The following SNX29 variants were observed in gnomAD, a reference collection of about 807,000 sequenced individuals.
SNX29 encodes sorting nexin 29.
Under a neutral mutation model 102.1 loss-of-function variants are expected in SNX29, and 78 were observed. That is an observed-to-expected ratio of 0.76 (90% CI 0.64 to 0.92). The LOEUF (loss-of-function observed/expected upper bound fraction) is 0.92, where lower values mean the gene tolerates loss of function less well. Among genes scored for constraint, SNX29 ranks in the 40% least tolerant of loss-of-function variants. The probability of loss-of-function intolerance (pLI) is 0.00; values close to 1 mark genes in which losing one functional copy is unlikely to be tolerated. For synonymous variants in SNX29, 580 were observed against 414.5 expected, an observed-to-expected ratio of 1.40 and a Z score of -4.85; for missense variants, 1,280 against 1,061.7, an observed-to-expected ratio of 1.21 and a Z score of -2.86.
In SNX29 at chr16:12,096,277, A is replaced by G. The variant is rs1029887647; in HGVS notation, c.1402+17362A>G. On this transcript the variant is annotated intron_variant, in intron 11 of 20. Transcript: ENST00000566228. This position sits in a 1 kb window ranked among gnomAD's most constrained non-coding sequence, Gnocchi z 4.2. ...TGTCTTAGTAATTGGAAGGTTCCAG[A>G]TGGCATTTAGACATGCCTCACTTCT... is the stretch of plus-strand genomic sequence containing the variant. 2.6e-5 allele frequency among the ~76,000 whole-genome samples: 4 copies of G among 152,226 alleles called. No homozygotes were observed. The highest frequency in any genetic ancestry group is 9.6e-5 in the African/African-American group (4 of 41,458).
chr16:12,473,728 C>G (rs1275279328), intron 18 of SNX29, among the ~76,000 whole-genome samples: 1 of 152,152 alleles, frequency 6.6e-6, no homozygotes, highest in Non-Finnish European at 1.5e-5. Flanking sequence ...CGGCTAAAAC[C>G]CACCAAAACC....
At chr16:12,555,489 G>C (rs901646909) in intron 20 of SNX29, among the ~76,000 whole-genome samples, 2 of 151,296 alleles carry the variant, frequency 1.3e-5, no homozygotes, top group African/African-American at 4.9e-5. Flanking sequence ...GTCTTTCGTT[G>C]TGGGGAGTCA....
At chr16:12,245,311 A>G (rs1276610286) in intron 14 of SNX29, among the ~76,000 whole-genome samples, 1 of 152,086 alleles carries the variant, frequency 6.6e-6, no homozygotes, top group East Asian at 1.9e-4. Context: ...CTCCCTCACA[A>G]GTTTGTTGAG....
chr16:12,022,234 C>T (rs1206469555), intron 3 of SNX29, among the ~76,000 whole-genome samples: 1 of 143,152 alleles, frequency 7.0e-6, no homozygotes, highest in Non-Finnish European at 1.5e-5. Context: ...GAGTTTCGCT[C>T]TTGTTGCTCA....
At chr16:12,397,545 C>T (rs1035925162) in intron 16 of SNX29, among the ~76,000 whole-genome samples, 1 of 152,160 alleles carries the variant, frequency 6.6e-6, no homozygotes, top group African/African-American at 2.4e-5. Flanking sequence ...TTTCACTTCA[C>T]TACCCCTCAC....
chr16:12,571,921 C>T lies in SNX29; in HGVS notation c.*3292C>T, dbSNP rs1024182625. ...CCCTGCATTTCTCTACTGGCAGGCCCTGGTGAAGGAAGACACTTTCAGGGA... is the reference window on the plus strand; with the variant it reads ...CCCTGCATTTCTCTACTGGCAGGCCTTGGTGAAGGAAGACACTTTCAGGGA... On this transcript the variant is annotated 3_prime_UTR_variant, in exon 21 of 21. Transcript: ENST00000566228. 1 of 1,062,118 alleles carries T rather than the reference C, an allele frequency of 9.4e-7. No individual in the cohort carries two copies. The highest frequency in any genetic ancestry group is 5.4e-5 in the Admixed American group (1 of 18,598). The allele number at this position is 1,062,118 out of a possible 1,614,324, so 65.8% of individuals were successfully genotyped here.
chr16:12,550,338 C>T (rs1370380027), intron 20 of SNX29, among the ~76,000 whole-genome samples: 1 of 152,062 alleles, frequency 6.6e-6, no homozygotes, highest in Non-Finnish European at 1.5e-5. Context: ...AGTGTGAGAC[C>T]AGCCTAGCCA....
chr16:12,247,275 A>G (rs2078286894), intron 14 of SNX29, among the ~76,000 whole-genome samples: 1 of 152,104 alleles, frequency 6.6e-6, no homozygotes, highest in South Asian at 2.1e-4. Context: ...ATAAGTTCAA[A>G]GGGTATGGGA....
chr16:12,434,460 A>T (rs1289185113), intron 18 of SNX29, among the ~76,000 whole-genome samples: 1 of 152,092 alleles, frequency 6.6e-6, no homozygotes, highest in Non-Finnish European at 1.5e-5. Context: ...GAGGGAGCCG[A>T]TGTTCATCCA....
chr16:12,530,409 TGAG>T (rs1332367360), intron 20 of SNX29, among the ~76,000 whole-genome samples: 1 of 152,012 alleles, frequency 6.6e-6, no homozygotes, highest in Non-Finnish European at 1.5e-5. Flanking sequence ...AGAAAGAAGA[TGAG>T]GAAGTAAACA....
intron 18 of SNX29, among the ~76,000 whole-genome samples, chr16:12,442,378 C>G (rs568976942): frequency 1.3e-5 from 2 of 152,296 alleles, no homozygotes; most frequent in Non-Finnish European, 2.9e-5. Context: ...AACCCTGTTT[C>G]TTCTTTTCTC....
At chr16:12,074,212 A>T (rs554344703) in intron 10 of SNX29, among the ~76,000 whole-genome samples, 28 of 151,438 alleles carry the variant, frequency 1.8e-4, no homozygotes, top group African/African-American at 6.5e-4. Flanking sequence ...TCCTGTCATT[A>T]TGATGTTAGC....
rs369015533 is a variant in SNX29, at chr16:12,063,366, C to CTTTTT, written c.1243+1742_1243+1746dup. Among the ~76,000 whole-genome samples the CTTTTT allele has an allele frequency of 7.9e-3, 436 of 55,380 alleles. 75 individuals carry two copies. Among genetic ancestry groups the CTTTTT allele is most frequent in the South Asian group, 0.027 (28 of 1,044 alleles). 36.3% of individuals were successfully genotyped at this position (55,380 alleles called of 152,430 possible). A position where few individuals can be genotyped will look rare whatever the true frequency, so the allele number is the denominator to read the frequency against. ...CCCACCTCTTCTTTTCCTAGTCCAT[C>CTTTTT]TTTTTTTTTTTTTTTTTTTTTTTTT... On this transcript the variant is annotated intron_variant, in intron 9 of 20. Transcript: ENST00000566228.
At chr16:12,489,481 G>C (rs1322678638) in intron 19 of SNX29, among the ~76,000 whole-genome samples, 2 of 152,190 alleles carry the variant, frequency 1.3e-5, no homozygotes, top group Non-Finnish European at 2.9e-5. Flanking sequence ...TTCAGATCCT[G>C]CCCCCTCCCA....
At chr16:12,199,772 C>T (rs574291349) in intron 14 of SNX29, 89 bp downstream of exon 14, 60 of 1,081,038 alleles carry the variant, frequency 5.6e-5, no homozygotes, top group African/African-American at 4.4e-4. Flanking sequence ...CAATGTGTGA[C>T]GAGTGCATAT....
intron 16 of SNX29, among the ~76,000 whole-genome samples, chr16:12,392,785 A>G (rs1419350561): frequency 1.3e-5 from 2 of 152,330 alleles, no homozygotes; most frequent in African/African-American, 2.4e-5. Context: ...AGCCACAGAG[A>G]TATGATGCCT....
intron 13 of SNX29, among the ~76,000 whole-genome samples, chr16:12,198,882 A>G (rs2076845500): frequency 6.6e-6 from 1 of 152,162 alleles, no homozygotes; most frequent in Admixed American, 6.6e-5. Flanking sequence ...TCAAAGAGAC[A>G]TATGTAAAGT....
chr16:12,357,502 G>A (rs1448946255), intron 16 of SNX29, among the ~76,000 whole-genome samples: 1 of 152,094 alleles, frequency 6.6e-6, no homozygotes, highest in Non-Finnish European at 1.5e-5. Flanking sequence ...ATGTCTCTAT[G>A]TTGCTTTTCC....
intron 14 of SNX29, among the ~76,000 whole-genome samples, chr16:12,222,559 A>AT (rs2077505610): frequency 3.3e-5 from 5 of 152,090 alleles, no homozygotes; most frequent in Admixed American, 3.3e-4. Flanking sequence ...GAAGCTTCAC[A>AT]GTTTGCAGAG....
Sources: allele counts gnomAD v4.1 joint callset (sites outside exome capture counted in the v4.1 genomes callset), GRCh38; gene constraint gnomAD v4.1.1; non-coding constraint Gnocchi (gnomAD v3.1); transcripts MANE v1.5; gene names NCBI Gene and HGNC (gene_info 2026-07-23, HGNC 2026-07-21).